ZNF385B: variants seen among roughly 807,000 people sequenced by gnomAD.
The protein encoded by ZNF385B is zinc finger protein 385B.
In ZNF385B, 23 loss-of-function variants were observed where a neutral mutation model predicts 39.2. The observed-to-expected ratio is 0.59, with a 90% CI of 0.42 to 0.83. The LOEUF (loss-of-function observed/expected upper bound fraction) is 0.83. ZNF385B is among the 40% of genes least tolerant of loss of function. The pLI is 0.00. For missense variants in ZNF385B, 552 were observed against 598.9 expected (o/e 0.92, Z 0.82); for synonymous variants, 205 against 222.6 (o/e 0.92, Z 0.70).
intron 3 of ZNF385B, among the ~76,000 whole-genome samples, chr2:179,704,833 T>C (rs563595320): frequency 6.6e-6 from 1 of 152,282 alleles, no homozygotes; most frequent in East Asian, 1.9e-4. Flanking sequence ...GTACAATCCC[T>C]CCAGGCATTT....
At chr2:179,553,552 C>T (rs888841857) in intron 3 of ZNF385B, among the ~76,000 whole-genome samples, 1 of 148,326 alleles carries the variant, frequency 6.7e-6, no homozygotes, top group African/African-American at 2.6e-5. Flanking sequence ...TATTATTATT[C>T]CCATTTTACA....
At chr2:179,625,757 T>C (rs978893023) in intron 3 of ZNF385B, among the ~76,000 whole-genome samples, 1 of 152,160 alleles carries the variant, frequency 6.6e-6, no homozygotes, top group African/African-American at 2.4e-5. Flanking sequence ...AAATTATGTA[T>C]GTGTATATAA....
At chr2:179,633,646 A>T (rs1031118344) in intron 3 of ZNF385B, among the ~76,000 whole-genome samples, 8 of 152,234 alleles carry the variant, frequency 5.3e-5, no homozygotes, top group Non-Finnish European at 7.3e-5. Context: ...CTGGCATAAG[A>T]CAAGGATGCC....
chr2:179,494,191 T>C (rs1372290051), intron 5 of ZNF385B, among the ~76,000 whole-genome samples: 1 of 152,136 alleles, frequency 6.6e-6, no homozygotes, highest in Non-Finnish European at 1.5e-5. Context: ...CAGGTAGATA[T>C]CTGGGAGAAG....
rs574294737 is a variant in ZNF385B, at chr2:179,704,427, T to C, written c.298+65076A>G. ...TATTATACCTTCTGTGTTATCTGAG[T>C]TGATTTTACAGGAAGCATGTATGGC... On this transcript the variant is annotated intron_variant, in intron 3 of 9. Transcript: ENST00000410066. 1.2e-4 allele frequency among the ~76,000 whole-genome samples: 19 copies of C among 152,318 alleles called. No individual in the cohort carries two copies. The South Asian group carries it at 3.3e-3, about 27-fold the overall frequency.
At chr2:179,556,753 A>G (rs1411847308) in intron 3 of ZNF385B, among the ~76,000 whole-genome samples, 1 of 149,408 alleles carries the variant, frequency 6.7e-6, no homozygotes, top group Non-Finnish European at 1.5e-5. Context: ...TATTACAAAC[A>G]GAGGAACTAC....
intron 3 of ZNF385B, among the ~76,000 whole-genome samples, chr2:179,648,076 C>T (rs1158636003): frequency 6.6e-6 from 1 of 152,004 alleles, no homozygotes. Context: ...AGTATCCACA[C>T]ATGGGGGCAA....
Position 179,798,424 on chromosome 2 carries a change from T to C in ZNF385B, c.-154-27752A>G, listed in dbSNP as rs1174586548. Among the ~76,000 whole-genome samples, 22 of 152,128 alleles carry C rather than the reference T, an allele frequency of 1.4e-4. 1 individual carries two copies. Among genetic ancestry groups the C allele is most frequent in the Admixed American group, 1.4e-3 (22 of 15,246 alleles). On this transcript the variant is annotated intron_variant, in intron 1 of 9. Transcript: ENST00000410066. ...TTTCAGTGGATAGAGCTAGAAAATATTTTTTAAATAAAATACATCACAAGT... is the reference window on the plus strand; with the variant it reads ...TTTCAGTGGATAGAGCTAGAAAATACTTTTTAAATAAAATACATCACAAGT...
intron 3 of ZNF385B, among the ~76,000 whole-genome samples, chr2:179,604,616 A>C (rs572518707): frequency 6.6e-6 from 1 of 152,038 alleles, no homozygotes; most frequent in East Asian, 1.9e-4. Flanking sequence ...TGCTATCCAG[A>C]GAGGTTTTTC....
intron 3 of ZNF385B, among the ~76,000 whole-genome samples, chr2:179,734,018 A>G (rs955192930): frequency 6.6e-6 from 1 of 152,022 alleles, no homozygotes; most frequent in Non-Finnish European, 1.5e-5. Context: ...AACAATATAT[A>G]CTTTGTTCTG....
chr2:179,479,577 T>C lies in ZNF385B; in HGVS notation c.715+3695A>G, dbSNP rs1245728654. ...TTCACCAGCTGGGCACAGTAGCACA[T>C]ACCTGTAATCCCAGCATTTTAGGAG... On this transcript the variant is annotated intron_variant, in intron 6 of 9. Transcript: ENST00000410066. Among the ~76,000 whole-genome samples the C allele has an allele frequency of 3.3e-5, 5 of 152,228 alleles. 1 individual carries two copies. The South Asian group carries it at 8.3e-4, about 25-fold the overall frequency.
intron 1 of ZNF385B, among the ~76,000 whole-genome samples, chr2:179,777,242 G>A (rs1704378474): frequency 6.6e-6 from 1 of 151,958 alleles, no homozygotes; most frequent in Non-Finnish European, 1.5e-5. Flanking sequence ...TTGTATATGT[G>A]TATTTCAGAT....
At chr2:179,475,872 C>G (rs2053388119) in intron 6 of ZNF385B, among the ~76,000 whole-genome samples, 1 of 150,734 alleles carries the variant, frequency 6.6e-6, no homozygotes, top group African/African-American at 2.4e-5. Context: ...CAAAAACTAG[C>G]TGGACATGGT....
intron 5 of ZNF385B, among the ~76,000 whole-genome samples, chr2:179,497,009 A>C (rs2105703714): frequency 6.6e-6 from 1 of 152,338 alleles, no homozygotes; most frequent in Non-Finnish European, 1.5e-5. Flanking sequence ...AGATCACACC[A>C]CTGCATTCCA....
At chr2:179,780,106 A>G (rs1187643875) in intron 1 of ZNF385B, among the ~76,000 whole-genome samples, 1 of 152,074 alleles carries the variant, frequency 6.6e-6, no homozygotes, top group East Asian at 1.9e-4. Flanking sequence ...CCACTGCGCT[A>G]AAGATTGCCG....
chr2:179,576,010 A>C, intron 3 of ZNF385B: 1 of 288,760 alleles, frequency 3.5e-6, no homozygotes, highest in Non-Finnish European at 5.2e-6. Flanking sequence ...TCCCTTAGAT[A>C]ACTCCTCTCC....
At chr2:179,745,721 G>C in intron 3 of ZNF385B, 1 of 1,543,176 alleles carries the variant, frequency 6.5e-7, no homozygotes, top group Non-Finnish European at 8.7e-7. Context: ...ACCTCTGCTA[G>C]GAAGTCCACT....
At chr2:179,836,006 T>C (rs1417505035) in intron 1 of ZNF385B, among the ~76,000 whole-genome samples, 1 of 152,196 alleles carries the variant, frequency 6.6e-6, no homozygotes, top group Non-Finnish European at 1.5e-5. Flanking sequence ...TACAATGGAA[T>C]TCTATTTAGC....
intron 3 of ZNF385B, among the ~76,000 whole-genome samples, chr2:179,678,651 G>T (rs1256449793): frequency 6.6e-6 from 1 of 152,176 alleles, no homozygotes; most frequent in Non-Finnish European, 1.5e-5. Context: ...TTTCTGTTTT[G>T]CTTAAGCCAT....
Sources: gnomAD v4.1 joint callset for allele counts (sites outside exome capture counted in the v4.1 genomes callset) on GRCh38, gnomAD v4.1.1 for gene constraint, MANE v1.5 for transcripts, NCBI Gene and HGNC (gene_info 2026-07-23, HGNC 2026-07-21) for gene names.